DLG2: variants seen among roughly 807,000 people sequenced by gnomAD.
DLG2 encodes discs large MAGUK scaffold protein 2.
Under a neutral mutation model 132.5 loss-of-function variants are expected in DLG2, and 45 were observed. The observed-to-expected ratio is 0.34, with a 90% CI of 0.27 to 0.44. The LOEUF is 0.44. Ranked by LOEUF, DLG2 falls within the 20% of genes least tolerant of loss-of-function variation. The pLI is 1.00. For synonymous variants in DLG2, 424 were observed against 419.6 expected (o/e 1.01, Z -0.13); for missense variants, 1,045 against 1,196.9 (o/e 0.87, Z 1.87).
chr11:84,956,034 G>A (rs1226080439), intron 6 of DLG2, among the ~76,000 whole-genome samples: 1 of 152,128 alleles, frequency 6.6e-6, no homozygotes, highest in Non-Finnish European at 1.5e-5. Flanking sequence ...GGGCCGGCAA[G>A]GAAAGCCCTG....
At chr11:83,607,268 T>C (rs551154384) in intron 19 of DLG2, among the ~76,000 whole-genome samples, 2 of 152,358 alleles carry the variant, frequency 1.3e-5, no homozygotes, top group South Asian at 4.1e-4. Flanking sequence ...TAGTTCACGA[T>C]GTACAGAGAA....
At chr11:84,353,059 A>C (rs12807906) in intron 7 of DLG2, among the ~76,000 whole-genome samples, 5,827 of 152,168 alleles carry the variant, frequency 0.038, 147 homozygotes, top group Non-Finnish European at 0.057. Flanking sequence ...TTCCACTTTC[A>C]ATATATTTTC....
chr11:83,772,563 A>G (rs1463837074), intron 18 of DLG2, among the ~76,000 whole-genome samples: 1 of 151,972 alleles, frequency 6.6e-6, no homozygotes, highest in Middle Eastern at 3.2e-3. Context: ...AAAGAGAAAG[A>G]AAGAAACAGA....
intron 6 of DLG2, among the ~76,000 whole-genome samples, chr11:84,964,947 T>C (rs1403545199): frequency 6.6e-6 from 1 of 152,128 alleles, no homozygotes; most frequent in Non-Finnish European, 1.5e-5. Context: ...TATCAAATGG[T>C]TAGAAAATTA....
intron 6 of DLG2, among the ~76,000 whole-genome samples, chr11:85,089,615 G>C (rs2068451827): frequency 6.6e-6 from 1 of 152,078 alleles, no homozygotes; most frequent in South Asian, 2.1e-4. Context: ...CTTTTTGGTA[G>C]AGCAATTTGT....
chr11:85,414,491 G>A (rs905084357), intron 3 of DLG2, among the ~76,000 whole-genome samples: 20 of 152,000 alleles, frequency 1.3e-4, no homozygotes, highest in African/African-American at 4.3e-4. Flanking sequence ...TCGTAAATTT[G>A]TTGAGGCTCA....
In DLG2 at chr11:83,755,787, GGCGGTT is replaced by G. The variant is rs2093619660; in HGVS notation, c.1825+30897_1825+30902del. Among the ~76,000 whole-genome samples, 2 of 151,282 alleles carry G rather than the reference GGCGGTT, an allele frequency of 1.3e-5. 1 individual carries two copies. Among genetic ancestry groups the G allele is most frequent in the African/African-American group, 4.9e-5 (2 of 40,638 alleles). On this transcript the variant is annotated intron_variant, in intron 18 of 27. Transcript: ENST00000376104. Reference sequence around the variant, plus strand: ...ACAGTGAGGAATAGGAAGTGACTATGGCGGTTACTACGCAATTAAGGTTAAGAGAAT... The same window carrying G: ...ACAGTGAGGAATAGGAAGTGACTATGACTACGCAATTAAGGTTAAGAGAAT...
chr11:85,206,757 C>T lies in DLG2; in HGVS notation c.187-52106G>A, dbSNP rs562565989. On this transcript the variant is annotated intron_variant, in intron 4 of 27. Coordinates refer to ENST00000376104, the MANE Select transcript of DLG2 (RefSeq NM_001142699.3). ...CTGAGGAAGGGGAATTGCTTGAACC[C>T]GGGAGGCAGAGCTTGCAGTGAGACG... Among the ~76,000 whole-genome samples, 11 of 152,088 alleles carry T rather than the reference C, an allele frequency of 7.2e-5. No homozygotes were observed. In the South Asian group the frequency reaches 2.1e-3, roughly 29 times the overall value.
intron 6 of DLG2, among the ~76,000 whole-genome samples, chr11:84,991,774 T>A (rs888638618): frequency 2.0e-5 from 3 of 152,192 alleles, no homozygotes; most frequent in Non-Finnish European, 4.4e-5. Context: ...TCGTCCCATA[T>A]TACTTCTTAC....
chr11:85,048,337 C>A (rs1413056214), intron 6 of DLG2, among the ~76,000 whole-genome samples: 1 of 151,804 alleles, frequency 6.6e-6, no homozygotes, highest in Non-Finnish European at 1.5e-5. Context: ...ATTCCATATG[C>A]AACACAAGAA....
intron 6 of DLG2, among the ~76,000 whole-genome samples, chr11:84,635,432 C>T (rs1363941369): frequency 6.6e-6 from 1 of 152,056 alleles, no homozygotes; most frequent in Admixed American, 6.6e-5. Context: ...AATATACAGG[C>T]GTGCACGGAA....
At chr11:83,687,991 A>G (rs2080120327) in intron 18 of DLG2, among the ~76,000 whole-genome samples, 1 of 151,730 alleles carries the variant, frequency 6.6e-6, no homozygotes, top group Admixed American at 6.6e-5. Context: ...TGCCTGGGTG[A>G]CAGAGCAAGG....
chr11:84,164,415 A>G (rs778354579), intron 8 of DLG2, among the ~76,000 whole-genome samples: 14 of 152,236 alleles, frequency 9.2e-5, no homozygotes, highest in Non-Finnish European at 2.1e-4. Context: ...GGAATCAGCC[A>G]GAAGGACTAC....
At chr11:83,884,547 C>A (rs1171007780) in intron 15 of DLG2, among the ~76,000 whole-genome samples, 2 of 152,208 alleles carry the variant, frequency 1.3e-5, no homozygotes, top group South Asian at 2.1e-4. Flanking sequence ...CAGCAGTAAC[C>A]TTTGCAGACT....
At chr11:84,339,980 C>T (rs2098506743) in intron 7 of DLG2, among the ~76,000 whole-genome samples, 1 of 152,152 alleles carries the variant, frequency 6.6e-6, no homozygotes, top group Admixed American at 6.5e-5. Flanking sequence ...AGAGATTAGG[C>T]TTGTGTGTGC....
At chr11:85,018,676 T>A (rs899395723) in intron 6 of DLG2, among the ~76,000 whole-genome samples, 1 of 152,150 alleles carries the variant, frequency 6.6e-6, no homozygotes, top group Non-Finnish European at 1.5e-5. Context: ...TGAATATTCA[T>A]GCTCTGATGG....
intron 7 of DLG2, among the ~76,000 whole-genome samples, chr11:84,385,633 A>C (rs1361933497): frequency 6.6e-6 from 1 of 152,100 alleles, no homozygotes; most frequent in Non-Finnish European, 1.5e-5. Context: ...GTTGTAGTAA[A>C]CATTGTATCT....
chr11:84,879,410 A>AT (rs1339315875), intron 6 of DLG2, among the ~76,000 whole-genome samples: 1 of 152,136 alleles, frequency 6.6e-6, no homozygotes, highest in African/African-American at 2.4e-5. Flanking sequence ...GCTCAAAATG[A>AT]TTTTACAAAA....
rs552972422 is a variant in DLG2 at position 84,404,052 on chromosome 11, C to T, written c.519+130518G>A. Reference sequence around the variant, plus strand: ...CTTTTGCCATACTCCAATCCAGTCTCCAAATTTCAAATTGTATTATTGCTT... The same window carrying T: ...CTTTTGCCATACTCCAATCCAGTCTTCAAATTTCAAATTGTATTATTGCTT... On this transcript the variant is annotated intron_variant, in intron 7 of 27. Transcript: ENST00000376104. Among the ~76,000 whole-genome samples the T allele has an allele frequency of 2.6e-5, 4 of 152,222 alleles. No homozygotes were observed. In the South Asian group the frequency reaches 8.3e-4, roughly 32 times the overall value.
Sources: gnomAD v4.1 joint callset for allele counts (sites outside exome capture counted in the v4.1 genomes callset) on GRCh38, gnomAD v4.1.1 for gene constraint, MANE v1.5 for transcripts, NCBI Gene and HGNC (gene_info 2026-07-23, HGNC 2026-07-21) for gene names.